Variants in AKAP6 observed in about 807,000 individuals in gnomAD.
AKAP6 encodes A-kinase anchoring protein 6.
Under a neutral mutation model 188.5 loss-of-function variants are expected in AKAP6, and 58 were observed. The ratio of observed to expected loss-of-function variants is 0.31; its 90% CI spans 0.25 to 0.38. The LOEUF (loss-of-function observed/expected upper bound fraction) is 0.38. Ranked by LOEUF, AKAP6 falls within the 10% of genes least tolerant of loss-of-function variation. AKAP6 has a pLI of 1.00. For synonymous variants in AKAP6, 989 were observed against 998.6 expected, an observed-to-expected ratio of 0.99 and a Z score of 0.18; for missense variants, 2,710 against 2,740.0, an observed-to-expected ratio of 0.99 and a Z score of 0.24.
At chr14:32,548,567 TA>T (rs1883309380) in intron 4 of AKAP6, among the ~76,000 whole-genome samples, 1 of 151,734 alleles carries the variant, frequency 6.6e-6, no homozygotes, top group African/African-American at 2.4e-5. Flanking sequence ...GATAGATAGA[TA>T]GATAGATAGA....
chr14:32,779,619 A>G (rs1410411895), intron 12 of AKAP6, among the ~76,000 whole-genome samples: 1 of 152,290 alleles, frequency 6.6e-6, no homozygotes, highest in African/African-American at 2.4e-5. Flanking sequence ...AATCAAGAAG[A>G]CAACATTACT....
At chr14:32,659,234 C>T (rs750414178) in intron 7 of AKAP6, among the ~76,000 whole-genome samples, 8 of 152,044 alleles carry the variant, frequency 5.3e-5, no homozygotes, top group African/African-American at 9.7e-5. Context: ...AAAAGATTGG[C>T]GTTTTCATTA....
At chr14:32,580,937 T>A (rs1332098814) in intron 5 of AKAP6, among the ~76,000 whole-genome samples, 1 of 152,214 alleles carries the variant, frequency 6.6e-6, no homozygotes, top group African/African-American at 2.4e-5. Context: ...CACATTTTCT[T>A]AATCCAGTCT....
intron 7 of AKAP6, among the ~76,000 whole-genome samples, chr14:32,613,730 G>A (rs745951401): frequency 2.6e-5 from 4 of 152,054 alleles, no homozygotes; most frequent in Non-Finnish European, 5.9e-5. Flanking sequence ...CGTACACCCA[G>A]CAAGCACCTT....
At chr14:32,712,780 C>T (rs1353787350) in intron 9 of AKAP6, among the ~76,000 whole-genome samples, 1 of 152,100 alleles carries the variant, frequency 6.6e-6, no homozygotes, top group Admixed American at 6.6e-5. Context: ...TCTGCTATTA[C>T]TTCCTCCACT....
intron 3 of AKAP6, among the ~76,000 whole-genome samples, chr14:32,544,176 A>C (rs1883083411): frequency 1.3e-5 from 2 of 152,190 alleles, no homozygotes; most frequent in Non-Finnish European, 2.9e-5. Context: ...GGCTCACCAC[A>C]GTTCTTCCTC....
intron 2 of AKAP6, among the ~76,000 whole-genome samples, chr14:32,479,827 C>G (rs138047909): frequency 6.6e-6 from 1 of 152,182 alleles, no homozygotes; most frequent in East Asian, 1.9e-4. Flanking sequence ...TTGCCACACA[C>G]TGAATCTACT....
chr14:32,593,534 A>G (rs1160667197), intron 5 of AKAP6, among the ~76,000 whole-genome samples: 1 of 152,198 alleles, frequency 6.6e-6, no homozygotes, highest in Admixed American at 6.5e-5. Flanking sequence ...GGGATGGTTG[A>G]GAGACAGAGC....
chr14:32,676,098 TG>T (rs372774888), intron 7 of AKAP6, among the ~76,000 whole-genome samples: 76 of 152,278 alleles, frequency 5.0e-4, no homozygotes, highest in African/African-American at 1.7e-3. Context: ...TGGTACCTAA[TG>T]GCACAAATGC....
chr14:32,472,895 A>C (rs924468006), intron 2 of AKAP6, among the ~76,000 whole-genome samples: 3 of 94,496 alleles, frequency 3.2e-5, no homozygotes, highest in Non-Finnish European at 9.0e-5. Flanking sequence ...GTATTAAAGG[A>C]AAAAAAAAGA....
chr14:32,454,935 T>A (rs1891106467), intron 2 of AKAP6, among the ~76,000 whole-genome samples: 2 of 125,834 alleles, frequency 1.6e-5, no homozygotes, highest in Non-Finnish European at 3.2e-5. Flanking sequence ...TTCCCTGCTT[T>A]CTCTCTTCCT....
At chr14:32,671,126 G>C (rs981132654) in intron 7 of AKAP6, among the ~76,000 whole-genome samples, 1 of 152,154 alleles carries the variant, frequency 6.6e-6, no homozygotes, top group African/African-American at 2.4e-5. Flanking sequence ...TTCTAGGGGT[G>C]GGGGTGAGTT....
intron 12 of AKAP6, among the ~76,000 whole-genome samples, chr14:32,786,987 A>G (rs1338280622): frequency 6.6e-6 from 1 of 152,220 alleles, no homozygotes; most frequent in Non-Finnish European, 1.5e-5. Context: ...GGCCCCAAAA[A>G]TACATAACAC....
rs3032351 is a variant in AKAP6, at chr14:32,469,675, C to CTTTT, written c.324+35866_324+35869dup. Among the ~76,000 whole-genome samples the CTTTT allele has an allele frequency of 2.8e-3, 407 of 145,478 alleles. 5 individuals carry two copies. Among genetic ancestry groups the CTTTT allele is most frequent in the African/African-American group, 9.3e-3 (367 of 39,636 alleles). On this transcript the variant is annotated intron_variant, in intron 2 of 13. Transcript: ENST00000280979. ...TTTGCCTCGCTAGTTAAAAGAATGT[C>CTTTT]TTTTTTTTTTTGAGATCTGATATTT... is the stretch of plus-strand genomic sequence containing the variant.
chr14:32,482,027 A>T (rs1879377509), intron 2 of AKAP6, among the ~76,000 whole-genome samples: 1 of 151,546 alleles, frequency 6.6e-6, no homozygotes, highest in African/African-American at 2.4e-5. Context: ...AAAGTTCCTT[A>T]TGTGGGTGGA....
chr14:32,443,661 CT>C (rs558523848), intron 2 of AKAP6, among the ~76,000 whole-genome samples: 6 of 152,150 alleles, frequency 3.9e-5, no homozygotes, highest in South Asian at 2.1e-4. Flanking sequence ...TTTAAATACA[CT>C]TTTTTTTCCC....
chr14:32,745,190 A>AGTTAGG (rs2139879577), intron 11 of AKAP6, among the ~76,000 whole-genome samples: 1 of 152,142 alleles, frequency 6.6e-6, no homozygotes, highest in East Asian at 1.9e-4. Flanking sequence ...GGCATTGAAG[A>AGTTAGG]GTTAGGTATT....
At chr14:32,757,902 AG>A (rs5807684) in intron 11 of AKAP6, among the ~76,000 whole-genome samples, 13,534 of 152,206 alleles carry the variant, frequency 0.089, 655 homozygotes, top group African/African-American at 0.12. Context: ...TCTGAAGTGG[AG>A]GGGACGAAAC....
At chr14:32,477,445 C>A (rs914373222) in intron 2 of AKAP6, among the ~76,000 whole-genome samples, 1 of 151,990 alleles carries the variant, frequency 6.6e-6, no homozygotes, top group Non-Finnish European at 1.5e-5. Context: ...GGTCCTGGGT[C>A]CATCTTATAC....
Sources: allele counts gnomAD v4.1 joint callset (sites outside exome capture counted in the v4.1 genomes callset), GRCh38; gene constraint gnomAD v4.1.1; transcripts MANE v1.5; gene names NCBI Gene and HGNC (gene_info 2026-07-23, HGNC 2026-07-21).